Variants in NRG1 observed in about 807,000 individuals in gnomAD.
The protein encoded by NRG1 is pro-neuregulin-1, membrane-bound isoform.
NRG1 carries 18 observed loss-of-function variants against 63.8 expected under a neutral mutation model. The ratio of observed to expected loss-of-function variants is 0.28; its 90% CI spans 0.19 to 0.42. The LOEUF is 0.42. NRG1 is among the 10% of genes least tolerant of loss of function. The pLI, the probability that NRG1 is intolerant of heterozygous loss-of-function variation, is 1.00. For missense variants in NRG1, 762 were observed against 814.7 expected (o/e 0.94, Z 0.79); for synonymous variants, 302 against 301.3 (o/e 1.00, Z -0.02).
chr8:32,323,397 A>G (rs867980907), intron 1 of NRG1, among the ~76,000 whole-genome samples: 2 of 152,346 alleles, frequency 1.3e-5, no homozygotes, highest in South Asian at 4.1e-4. Context: ...AAAAAAATAA[A>G]GAAAAGAGAC....
intron 1 of NRG1, among the ~76,000 whole-genome samples, chr8:31,881,521 G>A (rs191049188): frequency 6.6e-6 from 1 of 152,272 alleles, no homozygotes; most frequent in East Asian, 1.9e-4. Flanking sequence ...AACTGTTCAA[G>A]TGTAAGGAAG....
intron 1 of NRG1, among the ~76,000 whole-genome samples, chr8:32,076,780 T>C (rs1826635949): frequency 6.6e-6 from 1 of 152,068 alleles, no homozygotes; most frequent in South Asian, 2.1e-4. Flanking sequence ...ACGTGAATGA[T>C]TGTGCCAAAT....
chr8:32,469,781 T>C (rs965218569), intron 1 of NRG1, among the ~76,000 whole-genome samples: 2 of 152,210 alleles, frequency 1.3e-5, no homozygotes, highest in Non-Finnish European at 2.9e-5. Flanking sequence ...GAGAGGATGA[T>C]ACAAGCAAAT....
intron 1 of NRG1, among the ~76,000 whole-genome samples, chr8:32,296,734 T>G (rs1433159441): frequency 1.3e-5 from 2 of 151,276 alleles, no homozygotes; most frequent in Non-Finnish European, 2.9e-5. Flanking sequence ...CCTTGGAAAA[T>G]ACACAAAAGA....
intron 1 of NRG1, among the ~76,000 whole-genome samples, chr8:32,067,098 TG>T (rs1824963306): frequency 6.6e-6 from 1 of 152,168 alleles, no homozygotes; most frequent in African/African-American, 2.4e-5. Flanking sequence ...GCTGAGACGA[TG>T]GGGTTTTCTA....
At chr8:32,156,674 G>A (rs531307936) in intron 1 of NRG1, among the ~76,000 whole-genome samples, 1 of 152,256 alleles carries the variant, frequency 6.6e-6, no homozygotes, top group Non-Finnish European at 1.5e-5. Context: ...AAGCTGGCAA[G>A]CACTGATGTG....
intron 4 of NRG1, among the ~76,000 whole-genome samples, chr8:32,614,880 G>A (rs1025638802): frequency 7.2e-5 from 11 of 152,024 alleles, no homozygotes; most frequent in African/African-American, 2.7e-4. Context: ...GTCTTTCCAG[G>A]TGATTCTCTT....
intron 1 of NRG1, among the ~76,000 whole-genome samples, chr8:32,267,396 C>T (rs1270042537): frequency 6.6e-6 from 1 of 152,198 alleles, no homozygotes; most frequent in Admixed American, 6.5e-5. Context: ...CACAAGTCAA[C>T]TTTTCCCCCT....
At chr8:31,986,023 C>G (rs1262584102) in intron 1 of NRG1, among the ~76,000 whole-genome samples, 4 of 152,078 alleles carry the variant, frequency 2.6e-5, no homozygotes, top group African/African-American at 9.7e-5. Flanking sequence ...AACTTATCCT[C>G]TAAGTGATCT....
intron 1 of NRG1, among the ~76,000 whole-genome samples, chr8:31,914,763 T>A (rs993201866): frequency 6.6e-6 from 1 of 152,124 alleles, no homozygotes; most frequent in Non-Finnish European, 1.5e-5. Flanking sequence ...CAGGATTTTC[T>A]TGGTGTATGT....
At chr8:32,447,228 T>C (rs1330354362) in intron 1 of NRG1, among the ~76,000 whole-genome samples, 1 of 151,884 alleles carries the variant, frequency 6.6e-6, no homozygotes, top group African/African-American at 2.4e-5. Context: ...TTTCACTATG[T>C]TGGCCAGGCT....
chr8:32,600,324 GGACA>G (rs1273337006), intron 2 of NRG1, among the ~76,000 whole-genome samples: 1 of 100,730 alleles, frequency 9.9e-6, no homozygotes, highest in Non-Finnish European at 2.1e-5. Flanking sequence ...AAGCAGTGTT[GGACA>G]CACACACACA....
intron 1 of NRG1, among the ~76,000 whole-genome samples, chr8:32,534,936 C>T (rs1011802999): frequency 6.6e-6 from 1 of 152,124 alleles, no homozygotes; most frequent in Non-Finnish European, 1.5e-5. Context: ...TTATTTAATA[C>T]ACACTGCAAT....
chr8:31,675,444 C>T (rs1052598709), intron 1 of NRG1, among the ~76,000 whole-genome samples: 5 of 152,232 alleles, frequency 3.3e-5, no homozygotes, highest in Non-Finnish European at 2.9e-5. Flanking sequence ...ATACTCAATA[C>T]TTCTGCCCAG....
At chr8:32,372,568 G>A (rs974069368) in intron 1 of NRG1, among the ~76,000 whole-genome samples, 3 of 152,068 alleles carry the variant, frequency 2.0e-5, no homozygotes, top group African/African-American at 7.2e-5. Context: ...ACAAATTTGC[G>A]GGCGGGATAG....
intron 1 of NRG1, among the ~76,000 whole-genome samples, chr8:32,278,815 C>T (rs376676073): frequency 3.4e-4 from 52 of 152,272 alleles, no homozygotes; most frequent in African/African-American, 1.2e-3. Context: ...TAGATGAGTC[C>T]CTCTAAAGAT....
At chr8:31,737,401 G>A (rs145288178) in intron 1 of NRG1, among the ~76,000 whole-genome samples, 5 of 152,120 alleles carry the variant, frequency 3.3e-5, no homozygotes, top group African/African-American at 1.2e-4. Context: ...CTACCTGACT[G>A]TGTTCTCTAG....
rs771720653 is a variant in NRG1, at chr8:31,897,976, C to CATTG, written c.37+258546_37+258549dup. 3.9e-4 allele frequency among the ~76,000 whole-genome samples: 57 copies of CATTG among 144,726 alleles called. 1 individual carries two copies. Among genetic ancestry groups the CATTG allele is most frequent in the Non-Finnish European group, 4.5e-4 (30 of 67,032 alleles). The allele number at this position is 144,726 out of a possible 152,430, so 94.9% of individuals were successfully genotyped here. On this transcript the variant is annotated intron_variant, in intron 1 of 10. Coordinates refer to the NRG1 transcript ENST00000519301. ...AGGTTGCAATGAGCCGAGATCGCAC[C>CATTG]ATTGCACTCCAGCCTGGGTGACAAG...
chr8:32,183,747 C>A (rs1841680053), intron 1 of NRG1, among the ~76,000 whole-genome samples: 1 of 152,068 alleles, frequency 6.6e-6, no homozygotes, highest in African/African-American at 2.4e-5. Flanking sequence ...AGCTTATTAC[C>A]CATAAATCAG....
Sources: allele counts gnomAD v4.1 joint callset (sites outside exome capture counted in the v4.1 genomes callset), GRCh38; gene constraint gnomAD v4.1.1; transcripts MANE v1.5; gene names NCBI Gene and HGNC (gene_info 2026-07-23, HGNC 2026-07-21).